Variants in ANK1 observed in about 807,000 individuals in gnomAD.
ANK1 encodes ankyrin-1.
In ANK1, 51 loss-of-function variants were observed where a neutral mutation model predicts 210.4. That is an observed-to-expected ratio of 0.24 (90% confidence interval 0.19 to 0.31). The LOEUF is 0.31. ANK1 is among the 10% of genes least tolerant of loss of function. The probability of loss-of-function intolerance (pLI) is 1.00; values close to 1 mark genes in which losing one functional copy is unlikely to be tolerated. For missense variants in ANK1, 2,051 were observed against 2,504.4 expected (o/e 0.82, Z 3.86); for synonymous variants, 967 against 1,025.9 (o/e 0.94, Z 1.10).
At position 41,760,573 on chromosome 8, in the gene ANK1, C is replaced by T. The variant is rs78998705; in HGVS notation, c.28-2436G>A. 1.4e-4 allele frequency among the ~76,000 whole-genome samples: 22 copies of T among 152,278 alleles called. No homozygotes were observed. The East Asian group carries it at 4.2e-3, about 29-fold the overall frequency. On this transcript the variant is annotated intron_variant, in intron 1 of 42. Transcript: ENST00000289734. ...ACAAAGACAAATGTAATGATTAAAG[C>T]CCAGTCCTCAGGCATTGGAGTCCGT... is the stretch of plus-strand genomic sequence containing the variant.
chr8:41,666,651 A>C (rs1272650679), intron 39 of ANK1, among the ~76,000 whole-genome samples: 1 of 152,242 alleles, frequency 6.6e-6, no homozygotes, highest in Admixed American at 6.5e-5. Context: ...AAATACTAAT[A>C]AGTGGGTGCT....
At chr8:41,722,978 C>G in intron 9 of ANK1, 147 bp downstream of exon 9, 1 of 784,726 alleles carries the variant, frequency 1.3e-6, no homozygotes, top group South Asian at 1.5e-5. Flanking sequence ...GAGTCTCCTA[C>G]GTGATAGGCC....
chr8:41,812,199 G>C (rs1254770616), intron 1 of ANK1, among the ~76,000 whole-genome samples: 4 of 152,188 alleles, frequency 2.6e-5, no homozygotes, highest in African/African-American at 4.8e-5. Context: ...CACTTTGTCT[G>C]CAGGGGAGCA....
chr8:41,824,631 C>T (rs897296442), intron 1 of ANK1, among the ~76,000 whole-genome samples: 7 of 152,104 alleles, frequency 4.6e-5, no homozygotes, highest in East Asian at 1.9e-4. Flanking sequence ...AGATGGGTCA[C>T]GAATTCTAAA....
chr8:41,823,995 T>C (rs540690465), intron 1 of ANK1, among the ~76,000 whole-genome samples: 2 of 152,298 alleles, frequency 1.3e-5, no homozygotes, highest in South Asian at 4.1e-4. Context: ...AGTCTCGCTC[T>C]GTTGCCCAGG....
intron 20 of ANK1, among the ~76,000 whole-genome samples, chr8:41,703,458 T>A (rs1401485765): frequency 1.5e-4 from 13 of 84,194 alleles, no homozygotes; most frequent in East Asian, 3.4e-4. Flanking sequence ...ATATTTTTTT[T>A]TTTTTTTTAA....
chr8:41,830,098 G>T (rs1049855039), intron 1 of ANK1, among the ~76,000 whole-genome samples: 1 of 151,588 alleles, frequency 6.6e-6, no homozygotes, highest in Non-Finnish European at 1.5e-5. Flanking sequence ...TGTTGAGCCT[G>T]CAGTAATCCA....
upstream of ANK1, chr8:41,797,676 G>A: frequency 7.4e-7 from 1 of 1,343,540 alleles, no homozygotes; most frequent in Non-Finnish European, 9.8e-7. This position sits in a 1 kb window ranked among gnomAD's most constrained non-coding sequence, Gnocchi z 4.0. Context: ...GGCCCCAGAG[G>A]CGCTTGCTGT....
At chr8:41,824,264 C>G (rs111412919) in intron 1 of ANK1, among the ~76,000 whole-genome samples, 2,193 of 152,170 alleles carry the variant, frequency 0.014, 26 homozygotes, top group Non-Finnish European at 0.018. Flanking sequence ...CGTGCCCAGC[C>G]CTTTTTCAGT....
At chr8:41,831,109 C>T (rs1056788696) in intron 1 of ANK1, among the ~76,000 whole-genome samples, 4 of 152,138 alleles carry the variant, frequency 2.6e-5, no homozygotes, top group Non-Finnish European at 2.9e-5. Flanking sequence ...AGACAGGAGA[C>T]GAGGCTCCGC....
At chr8:41,844,522 C>CA (rs1809645045) in intron 1 of ANK1, among the ~76,000 whole-genome samples, 1 of 152,080 alleles carries the variant, frequency 6.6e-6, no homozygotes, top group South Asian at 2.1e-4. Context: ...ACACACCCCC[C>CA]ACACACACAC....
chr8:41,830,201 A>G lies in ANK1; in HGVS notation c.126+66154T>C, dbSNP rs569701546. Among the ~76,000 whole-genome samples, 12 of 151,430 alleles carry G rather than the reference A, an allele frequency of 7.9e-5. No homozygotes were observed. The South Asian group carries it at 2.5e-3, about 32-fold the overall frequency. ...GGCAGGGGTCAGCTAGGAGAGACCA[A>G]TAGATGCCCCCACCCCAGGCTCCTA... On this transcript the variant is annotated intron_variant, in intron 1 of 42. Transcript: ENST00000265709.
At chr8:41,682,952 G>A (rs1446090811) in intron 37 of ANK1, among the ~76,000 whole-genome samples, 7 of 152,186 alleles carry the variant, frequency 4.6e-5, no homozygotes, top group African/African-American at 1.4e-4. Flanking sequence ...GTCCCCTGAG[G>A]GGAGGCTGGA....
At chr8:41,728,072 G>T in intron 3 of ANK1, 66 bp from the exon 4 acceptor site, 1 of 1,534,240 alleles carries the variant, frequency 6.5e-7, no homozygotes, top group Non-Finnish European at 9.0e-7. Context: ...ACCAGCAAAG[G>T]TCTGTGGACA....
At chr8:41,758,877 T>C (rs1839813038) in intron 1 of ANK1, among the ~76,000 whole-genome samples, 1 of 152,066 alleles carries the variant, frequency 6.6e-6, no homozygotes, top group Non-Finnish European at 1.5e-5. Flanking sequence ...TGGAGCTGTT[T>C]TGTGTTTTTG....
At chr8:41,664,865 G>A (rs776562953) in intron 39 of ANK1, 28 of 1,613,668 alleles carry the variant, frequency 1.7e-5, no homozygotes, top group Non-Finnish European at 6.8e-6. Flanking sequence ...CGTCACTGAG[G>A]CCCTCGCTCT....
rs1817182635 is a variant in ANK1 at position 41,684,684 on chromosome 8, T to G, written c.4397A>C (p.Asn1466Thr). ...AATGCTCTGCAGGGCTGTGTACAGA[T>G]TCTCCACTGTGGGCGCAGAAGAGAG... ...IREGQNANME[N>T]LYTALQSIDR... The change falls in exon 37 of 43, where the codon AAT becomes ACT. Residue 1466 changes from asparagine to threonine, a missense_variant. Physicochemically the swap from Asn to Thr is moderately conservative, Grantham distance 65. Around this residue, in one of 6 missense-constraint regions of ANK1, gnomAD observed 39 missense variants for 75.1 expected, o/e 0.52. Coordinates refer to ENST00000289734, the MANE Select transcript of ANK1 (RefSeq NM_000037.4). 6.2e-7 allele frequency: 1 copy of G among 1,613,624 alleles called. No individual in the cohort carries two copies. The highest frequency in any genetic ancestry group is 1.7e-5 in the Admixed American group (1 of 60,004).
chr8:41,696,153 G>A (rs930695821), intron 26 of ANK1, among the ~76,000 whole-genome samples: 1 of 152,192 alleles, frequency 6.6e-6, no homozygotes, highest in Non-Finnish European at 1.5e-5. Context: ...GCCTCCCAAA[G>A]CACTGAGATT....
chr8:41,802,233 G>T (rs1299559986), upstream of ANK1, among the ~76,000 whole-genome samples: 2 of 152,098 alleles, frequency 1.3e-5, no homozygotes, highest in Non-Finnish European at 2.9e-5. Context: ...CAAGTGATCT[G>T]CCCACCTTGG....
Sources: allele counts gnomAD v4.1 joint callset (sites outside exome capture counted in the v4.1 genomes callset), GRCh38; gene constraint gnomAD v4.1.1; regional missense constraint gnomAD v4.1.1; non-coding constraint Gnocchi (gnomAD v3.1); transcripts MANE v1.5; gene names NCBI Gene and HGNC (gene_info 2026-07-23, HGNC 2026-07-21).